Variants in TLL2 observed in about 807,000 individuals in gnomAD.
The protein encoded by TLL2 is tolloid-like protein 2.
In TLL2, 106 loss-of-function variants were observed where a neutral mutation model predicts 123.0. That is an observed-to-expected ratio of 0.86 (90% CI 0.74 to 1.01). The LOEUF is 1.01. TLL2 is among the 50% of genes least tolerant of loss of function. TLL2 has a pLI of 0.00. For synonymous variants in TLL2, 494 were observed against 516.8 expected, an observed-to-expected ratio of 0.96 and a Z score of 0.60; for missense variants, 1,332 against 1,336.7, an observed-to-expected ratio of 1.00 and a Z score of 0.06.
intron 1 of TLL2, among the ~76,000 whole-genome samples, chr10:96,493,593 T>C (rs951117577): frequency 6.6e-6 from 1 of 151,952 alleles, no homozygotes; most frequent in East Asian, 1.9e-4. Context: ...AGGCTCAGCA[T>C]GGGCAAAAAG....
chr10:96,425,358 T>C (rs1024234403), intron 5 of TLL2, among the ~76,000 whole-genome samples: 5 of 151,898 alleles, frequency 3.3e-5, no homozygotes, highest in Admixed American at 2.6e-4. Flanking sequence ...TCTAAAAATA[T>C]GTATGCATAC....
chr10:96,481,572 G>A (rs1847312413), intron 1 of TLL2, among the ~76,000 whole-genome samples: 1 of 152,176 alleles, frequency 6.6e-6, no homozygotes, highest in Admixed American at 6.5e-5. Context: ...ACTAGAGGCT[G>A]AAAGGAAGTC....
At chr10:96,446,533 C>T (rs768029604) in intron 2 of TLL2, among the ~76,000 whole-genome samples, 27 of 152,158 alleles carry the variant, frequency 1.8e-4, no homozygotes, top group Admixed American at 1.2e-3. Context: ...CAAATAGGAT[C>T]CTCTCTGGGC....
At chr10:96,466,317 T>C (rs1459059465) in intron 2 of TLL2, among the ~76,000 whole-genome samples, 4 of 152,174 alleles carry the variant, frequency 2.6e-5, no homozygotes, top group Non-Finnish European at 4.4e-5. Flanking sequence ...TGGAAGAAGA[T>C]TCCAATGGCA....
Position 96,513,818 on chromosome 10 carries a change from A to G in TLL2, c.-133T>C. Reference sequence around the variant, plus strand: ...TACACAGGGCTGCTGGGCATGGCTCAGGCGCGGAGCAAGCGGAGCGCGGCG... The same window carrying G: ...TACACAGGGCTGCTGGGCATGGCTCGGGCGCGGAGCAAGCGGAGCGCGGCG... On this transcript the variant is annotated 5_prime_UTR_variant, in exon 1 of 21. Transcript: ENST00000357947. 2.1e-6 allele frequency: 2 copies of G among 973,668 alleles called. No individual in the cohort carries two copies. Among genetic ancestry groups the G allele is most frequent in the Non-Finnish European group, 2.8e-6 (2 of 720,106 alleles). The allele number at this position is 973,668 out of a possible 1,614,324, so 60.3% of individuals were successfully genotyped here.
chr10:96,417,644 C>G (rs554941883), intron 7 of TLL2, among the ~76,000 whole-genome samples: 1 of 152,290 alleles, frequency 6.6e-6, no homozygotes, highest in African/African-American at 2.4e-5. Flanking sequence ...CCCGCTTGCT[C>G]TCTTGGAACT....
In TLL2 at chr10:96,384,520, C is replaced by A. The variant is rs902959144; in HGVS notation, c.2194+67G>T. 4 of 1,431,752 alleles carry A rather than the reference C, an allele frequency of 2.8e-6. No homozygotes were observed. The South Asian group carries it at 6.2e-5, about 22-fold the overall frequency. The allele number at this position is 1,431,752 out of a possible 1,614,324, so 88.7% of individuals were successfully genotyped here. ...GAGAGAGAGGAGGGGGCCAGGGACC[C>A]CAGAGCCTGGAGTCTGCAAAGCCGC... On this transcript the variant is annotated intron_variant, in intron 16 of 20. Coordinates refer to ENST00000357947, the MANE Select transcript of TLL2 (RefSeq NM_012465.4).
At chr10:96,452,268 T>C (rs993945540) in intron 2 of TLL2, among the ~76,000 whole-genome samples, 13 of 152,114 alleles carry the variant, frequency 8.5e-5, no homozygotes, top group African/African-American at 3.1e-4. Context: ...TCGGTGACAT[T>C]TGAGCTAAGT....
At chr10:96,408,089 A>G (rs981700428) in intron 9 of TLL2, among the ~76,000 whole-genome samples, 1 of 152,166 alleles carries the variant, frequency 6.6e-6, no homozygotes, top group Non-Finnish European at 1.5e-5. Flanking sequence ...TGTGCCTTAG[A>G]TTTCTGTCCT....
chr10:96,486,153 T>C (rs1049878211), intron 1 of TLL2, among the ~76,000 whole-genome samples: 8 of 152,218 alleles, frequency 5.3e-5, no homozygotes, highest in African/African-American at 1.7e-4. Flanking sequence ...TAAATACTTA[T>C]TTTGCTCATG....
At chr10:96,369,768 A>G (rs1329811077) in intron 20 of TLL2, among the ~76,000 whole-genome samples, 1 of 151,894 alleles carries the variant, frequency 6.6e-6, no homozygotes, top group African/African-American at 2.4e-5. Flanking sequence ...AAGAAAAAAA[A>G]AAAAAAGGAG....
In TLL2 at chr10:96,370,325, A is replaced by C; in HGVS notation, c.2663-10T>G. 3 of 1,549,566 alleles carry C rather than the reference A, an allele frequency of 1.9e-6. No homozygotes were observed. The highest frequency in any genetic ancestry group is 2.6e-6 in the Non-Finnish European group (3 of 1,145,386). The stretch of plus-strand genomic sequence containing the variant: ...AGCCTGCCCCCGCACTCTGGAGCAG[A>C]GAGAAGTGAGATGTCCCCTCAGCAC... On this transcript the variant is annotated splice_polypyrimidine_tract_variant and intron_variant, in intron 19 of 20. Coordinates refer to ENST00000357947, the MANE Select transcript of TLL2 (RefSeq NM_012465.4).
chr10:96,430,346 A>G (rs1321843620), intron 4 of TLL2, among the ~76,000 whole-genome samples: 1 of 152,178 alleles, frequency 6.6e-6, no homozygotes, highest in East Asian at 1.9e-4. Context: ...TTCCGCCATG[A>G]TTGCAAGCTT....
At chr10:96,380,616 C>T (rs530495468) in intron 16 of TLL2, among the ~76,000 whole-genome samples, 205 of 147,324 alleles carry the variant, frequency 1.4e-3, no homozygotes, top group Admixed American at 1.4e-3. Context: ...TGGCATGAAC[C>T]CAGGAGGCGG....
In TLL2 at chr10:96,364,729, AC is replaced by A. The variant is rs1846007671; in HGVS notation, c.*3358del. ...TGTAAAATTACACAAAATAAAAAAT[AC>A]CCATATGTTTACATATAATACTTTA... is the stretch of plus-strand genomic sequence containing the variant. On this transcript the variant is annotated 3_prime_UTR_variant, in exon 21 of 21. Coordinates refer to ENST00000357947, the MANE Select transcript of TLL2 (RefSeq NM_012465.4). The A allele has an allele frequency of 1.3e-5, 2 of 152,640 alleles. No homozygotes were observed. Among genetic ancestry groups the A allele is most frequent in the Admixed American group, 6.5e-5 (1 of 15,284 alleles). The allele number at this position is 152,640 out of a possible 1,614,324, so 9.5% of individuals were successfully genotyped here. A position where few individuals can be genotyped will look rare whatever the true frequency, so the allele number is the denominator to read the frequency against.
chr10:96,501,884 G>A (rs948782340), intron 1 of TLL2, among the ~76,000 whole-genome samples: 12 of 152,348 alleles, frequency 7.9e-5, no homozygotes, highest in Admixed American at 7.8e-4. Context: ...CTGGCACTAT[G>A]CTCCTGACTG....
At chr10:96,383,989 T>C (rs547501586) in intron 16 of TLL2, among the ~76,000 whole-genome samples, 1 of 152,292 alleles carries the variant, frequency 6.6e-6, no homozygotes, top group East Asian at 1.9e-4. Context: ...AACAGACTAA[T>C]ACAATGTGGA....
At chr10:96,396,153 A>C in intron 11 of TLL2, 133 bp from the exon 12 acceptor site, 2 of 1,070,442 alleles carry the variant, frequency 1.9e-6, no homozygotes, top group Non-Finnish European at 2.6e-6. Context: ...TTTCATCTCC[A>C]GCCCACAAAC....
intron 15 of TLL2, 150 bp from the exon 16 acceptor site, chr10:96,384,917 G>A: frequency 1.3e-6 from 1 of 741,400 alleles, no homozygotes; most frequent in East Asian, 3.2e-5. Context: ...TTATTTGAAT[G>A]AGCTCCAGAG....
Sources: gnomAD v4.1 joint callset for allele counts (sites outside exome capture counted in the v4.1 genomes callset) on GRCh38, gnomAD v4.1.1 for gene constraint, MANE v1.5 for transcripts, NCBI Gene and HGNC (gene_info 2026-07-23, HGNC 2026-07-21) for gene names.